The following CSMD1 variants were observed in gnomAD, a reference collection of about 807,000 sequenced individuals.
The protein encoded by CSMD1 is CUB and Sushi multiple domains 1.
In CSMD1, 213 loss-of-function variants were observed where a neutral mutation model predicts 417.5. The observed-to-expected ratio is 0.51, with a 90% CI of 0.46 to 0.57. The LOEUF is 0.57. Ranked by LOEUF, CSMD1 falls within the 20% of genes least tolerant of loss-of-function variation. The pLI is 0.00. For synonymous variants in CSMD1, 2,862 were observed against 1,736.8 expected (o/e 1.65, Z -16.11); for missense variants, 6,923 against 4,529.7 (o/e 1.53, Z -15.17).
intron 5 of CSMD1, among the ~76,000 whole-genome samples, chr8:3,944,627 A>G (rs1811102390): frequency 6.6e-6 from 1 of 152,152 alleles, no homozygotes; most frequent in South Asian, 2.1e-4. Context: ...ACCAACAGAG[A>G]CTTTTCCTTT....
intron 2 of CSMD1, among the ~76,000 whole-genome samples, chr8:4,447,406 G>A (rs989408528): frequency 6.6e-6 from 1 of 152,158 alleles, no homozygotes; most frequent in Non-Finnish European, 1.5e-5. Context: ...GGGAAAGGAA[G>A]CCTGAAGTGG....
chr8:3,069,970 G>A (rs1277749197), intron 49 of CSMD1, among the ~76,000 whole-genome samples: 1 of 152,222 alleles, frequency 6.6e-6, no homozygotes, highest in African/African-American at 2.4e-5. Context: ...ACGCCACACG[G>A]AAGCTGTCAA....
chr8:3,863,312 G>A (rs938976922), intron 5 of CSMD1, among the ~76,000 whole-genome samples: 2 of 150,246 alleles, frequency 1.3e-5, no homozygotes, highest in Admixed American at 6.7e-5. Flanking sequence ...CAGGAGAATC[G>A]CTTGAACCCA....
At chr8:4,963,258 T>C (rs746043652) in intron 1 of CSMD1, among the ~76,000 whole-genome samples, 15 of 152,210 alleles carry the variant, frequency 9.9e-5, no homozygotes, top group Non-Finnish European at 1.8e-4. Flanking sequence ...TGGAGTGCAG[T>C]GGTGCAATCT....
Position 3,949,539 on chromosome 8 carries a change from G to C in CSMD1, c.818+48364C>G, listed in dbSNP as rs78417685. On this transcript the variant is annotated intron_variant, in intron 5 of 69. Transcript: ENST00000635120. ...CAAAGAGAGAAGCTAGCAACATTAA[G>C]TGTGTCTAATTTGGGGTTATTTTGG... Among the ~76,000 whole-genome samples the C allele has an allele frequency of 3.4e-3, 515 of 152,294 alleles. 6 individuals carry two copies. Among genetic ancestry groups the C allele is most frequent in the African/African-American group, 0.011 (458 of 41,568 alleles).
At chr8:3,766,725 T>G (rs1229994429) in intron 5 of CSMD1, among the ~76,000 whole-genome samples, 1 of 152,170 alleles carries the variant, frequency 6.6e-6, no homozygotes, top group African/African-American at 2.4e-5. Flanking sequence ...AATTTTCTCT[T>G]GATATTATTT....
chr8:4,384,391 A>C (rs1235132017), intron 3 of CSMD1, among the ~76,000 whole-genome samples: 1 of 152,182 alleles, frequency 6.6e-6, no homozygotes, highest in African/African-American at 2.4e-5. Context: ...CAAAATATTA[A>C]ATACTTTTGG....
At chr8:4,617,216 CA>C (rs1410827842) in intron 2 of CSMD1, among the ~76,000 whole-genome samples, 1 of 152,052 alleles carries the variant, frequency 6.6e-6, no homozygotes, top group African/African-American at 2.4e-5. Context: ...CAACTTTATA[CA>C]AATAGTGAAT....
At chr8:4,934,622 A>T (rs1807473684) in intron 1 of CSMD1, among the ~76,000 whole-genome samples, 1 of 147,434 alleles carries the variant, frequency 6.8e-6, no homozygotes, top group South Asian at 2.2e-4. Flanking sequence ...TTTTTCACTT[A>T]TCTACCTATC....
chr8:4,021,602 C>A (rs142000977), intron 4 of CSMD1, among the ~76,000 whole-genome samples: 1 of 152,306 alleles, frequency 6.6e-6, no homozygotes, highest in Non-Finnish European at 1.5e-5. Flanking sequence ...CTGATGCCCT[C>A]AAATGACTTA....
At chr8:4,181,973 T>TGTGTGTGA (rs1191115849) in intron 3 of CSMD1, among the ~76,000 whole-genome samples, 2 of 149,010 alleles carry the variant, frequency 1.3e-5, no homozygotes, top group East Asian at 2.0e-4. Flanking sequence ...TGTGTGTGTG[T>TGTGTGTGA]GATGTGTGTG....
chr8:4,613,871 A>G (rs926107577), intron 2 of CSMD1, among the ~76,000 whole-genome samples: 6 of 151,754 alleles, frequency 4.0e-5, no homozygotes, highest in Admixed American at 3.9e-4. Flanking sequence ...AAAAAAAAAA[A>G]AAAAAGAAAA....
chr8:4,805,903 A>T (rs1171368628), intron 1 of CSMD1, among the ~76,000 whole-genome samples: 1 of 152,150 alleles, frequency 6.6e-6, no homozygotes, highest in Non-Finnish European at 1.5e-5. Flanking sequence ...TGGTGACTCA[A>T]ATGCGATGGC....
intron 1 of CSMD1, among the ~76,000 whole-genome samples, chr8:4,724,546 G>C (rs984733893): frequency 6.6e-5 from 10 of 151,148 alleles, no homozygotes; most frequent in South Asian, 2.1e-4. Flanking sequence ...GTGTGTGTGT[G>C]TGTGTGTGTG....
intron 7 of CSMD1, among the ~76,000 whole-genome samples, chr8:3,637,904 C>G (rs746530814): frequency 2.6e-4 from 40 of 152,140 alleles, no homozygotes; most frequent in Non-Finnish European, 4.9e-4. Context: ...GTTCCCCTGC[C>G]CACACTCTCT....
At chr8:4,143,892 C>T (rs1207017780) in intron 3 of CSMD1, among the ~76,000 whole-genome samples, 1 of 151,094 alleles carries the variant, frequency 6.6e-6, no homozygotes, top group East Asian at 1.9e-4. Flanking sequence ...AGAATTTGGT[C>T]CCTGGCTAAT....
At chr8:4,092,254 C>T (rs986753787) in intron 3 of CSMD1, among the ~76,000 whole-genome samples, 1 of 152,100 alleles carries the variant, frequency 6.6e-6, no homozygotes, top group Non-Finnish European at 1.5e-5. Context: ...GGCAAAACCT[C>T]CATTAATTTG....
intron 2 of CSMD1, among the ~76,000 whole-genome samples, chr8:4,539,353 T>C (rs745367392): frequency 2.0e-5 from 3 of 152,332 alleles, no homozygotes; most frequent in African/African-American, 7.2e-5. Context: ...TCTCTTTCAC[T>C]AAGCCCATGG....
At chr8:4,801,952 T>C (rs1798310635) in intron 1 of CSMD1, among the ~76,000 whole-genome samples, 1 of 152,176 alleles carries the variant, frequency 6.6e-6, no homozygotes, top group Non-Finnish European at 1.5e-5. Context: ...ATTTTGATCA[T>C]CTCTTCCTTT....
Sources: gnomAD v4.1 joint callset for allele counts (sites outside exome capture counted in the v4.1 genomes callset) on GRCh38, gnomAD v4.1.1 for gene constraint, MANE v1.5 for transcripts, NCBI Gene and HGNC (gene_info 2026-07-23, HGNC 2026-07-21) for gene names.